The following LRTM3 variants were observed in gnomAD, a reference collection of about 807,000 sequenced individuals.
LRTM3 encodes leucine-rich repeat transmembrane protein 3.
chr13:102,756,754 AT>A, the LRTM3 span, among the ~76,000 whole-genome samples: 1 of 149,790 alleles, frequency 6.7e-6, no homozygotes. Flanking sequence ...TAACTTCAAA[AT>A]TTATGTTTTT....
the LRTM3 span, among the ~76,000 whole-genome samples, chr13:102,754,746 G>T: frequency 2.6e-5 from 4 of 152,068 alleles, no homozygotes; most frequent in African/African-American, 9.7e-5. Flanking sequence ...ATCTTAATTG[G>T]CCTTTGAGAT....
At chr13:102,744,169 A>G in the LRTM3 span, 1 of 1,550,568 alleles carries the variant, frequency 6.4e-7, no homozygotes, top group African/African-American at 1.4e-5. Context: ...GGTTTTCTGT[A>G]GAATATCTTA....
At chr13:102,739,306 T>C in the LRTM3 span, 1 of 1,549,392 alleles carries the variant, frequency 6.5e-7, no homozygotes, top group Non-Finnish European at 8.7e-7. Flanking sequence ...CTACTATATT[T>C]TCTCTATCTT....
chr13:102,743,274 G>A, the LRTM3 span: 1 of 1,550,594 alleles, frequency 6.4e-7, no homozygotes. Flanking sequence ...TGTGTTGGTT[G>A]TGTATGACTT....
the LRTM3 span, chr13:102,736,415 A>T: frequency 2.6e-6 from 4 of 1,550,822 alleles, no homozygotes; most frequent in African/African-American, 5.5e-5. Flanking sequence ...TACTGTTTGT[A>T]CTCTGTCTTC....
chr13:102,751,913 G>A, the LRTM3 span, among the ~76,000 whole-genome samples: 1 of 152,122 alleles, frequency 6.6e-6, no homozygotes, highest in Admixed American at 6.6e-5. Flanking sequence ...GATGGGATGG[G>A]AGGTCAGACA....
At chr13:102,746,068 G>T in the LRTM3 span, 1 of 1,550,978 alleles carries the variant, frequency 6.4e-7, no homozygotes, top group African/African-American at 1.4e-5. Flanking sequence ...TTTCTGTTTC[G>T]TTGGCTTTTT....
chr13:102,734,209 C>T, the LRTM3 span: 2 of 1,551,278 alleles, frequency 1.3e-6, no homozygotes, highest in Admixed American at 2.0e-5. Context: ...TCACTTCATG[C>T]CTGTTTTCTT....
chr13:102,747,778 T>C, the LRTM3 span: 2 of 1,551,242 alleles, frequency 1.3e-6, no homozygotes, highest in Non-Finnish European at 1.7e-6. Context: ...TCATGGGGCA[T>C]GGACTATTCT....
chr13:102,743,124 G>T, the LRTM3 span: 1 of 1,550,416 alleles, frequency 6.4e-7, no homozygotes, highest in Non-Finnish European at 8.7e-7. Context: ...GCATAGAATG[G>T]ATCCATTTCT....
chr13:102,740,025 C>A, the LRTM3 span: 1 of 1,550,368 alleles, frequency 6.5e-7, no homozygotes, highest in East Asian at 2.4e-5. Flanking sequence ...TCTACGCTAT[C>A]CTTCTGTCCT....
the LRTM3 span, chr13:102,730,897 G>A: frequency 1.3e-6 from 2 of 1,551,274 alleles, no homozygotes; most frequent in East Asian, 2.4e-5. Flanking sequence ...ACAAAATTCT[G>A]TTTTGTCGTT....
chr13:102,729,831 T>G, the LRTM3 span: 4 of 1,551,774 alleles, frequency 2.6e-6, no homozygotes, highest in African/African-American at 5.5e-5. Flanking sequence ...TCCCAATGAC[T>G]GCTGTTCTTC....
chr13:102,743,174 T>A, the LRTM3 span: 1 of 1,550,694 alleles, frequency 6.4e-7, no homozygotes, highest in East Asian at 2.4e-5. Context: ...TTCTCTATCA[T>A]GTAGTTTTGC....
chr13:102,737,101 T>C, the LRTM3 span: 1 of 1,551,200 alleles, frequency 6.4e-7, no homozygotes, highest in Non-Finnish European at 8.7e-7. Context: ...GGATATTGAG[T>C]GTATGTGGAA....
At chr13:102,730,080 T>C in the LRTM3 span, 80 of 1,550,970 alleles carry the variant, frequency 5.2e-5, 1 homozygote, top group Non-Finnish European at 6.3e-5. Flanking sequence ...GGAGATTTCA[T>C]TTTGGAAGAT....
At chr13:102,749,837 A>G in the LRTM3 span, 1 of 1,551,310 alleles carries the variant, frequency 6.4e-7, no homozygotes, top group Non-Finnish European at 8.7e-7. Context: ...AACCATTCCA[A>G]CAGAAGGTTG....
At chr13:102,733,350 G>A in the LRTM3 span, 1 of 1,551,202 alleles carries the variant, frequency 6.4e-7, no homozygotes, top group South Asian at 1.2e-5. Flanking sequence ...TCTTCCTTTG[G>A]CTTATCAAAT....
At chr13:102,736,520 A>T in the LRTM3 span, 11 of 1,551,166 alleles carry the variant, frequency 7.1e-6, no homozygotes, top group Non-Finnish European at 9.6e-6. Context: ...CTGGATCTCA[A>T]GATGTGGCAT....
Sources: allele counts gnomAD v4.1 joint callset (sites outside exome capture counted in the v4.1 genomes callset), GRCh38; gene constraint gnomAD v4.1.1; transcripts MANE v1.5; gene names NCBI Gene and HGNC (gene_info 2026-07-23, HGNC 2026-07-21).